The following CACNA2D3 variants were observed in gnomAD, a reference collection of about 807,000 sequenced individuals.
CACNA2D3 encodes voltage-dependent calcium channel subunit alpha-2/delta-3.
CACNA2D3 carries 60 observed loss-of-function variants against 160.6 expected under a neutral mutation model. The ratio of observed to expected loss-of-function variants is 0.37; its 90% CI spans 0.30 to 0.46. The LOEUF (loss-of-function observed/expected upper bound fraction) is 0.46, where lower values mean the gene tolerates loss of function less well. Ranked by LOEUF, CACNA2D3 falls within the 20% of genes least tolerant of loss-of-function variation. The pLI is 1.00. For missense variants in CACNA2D3, 1,205 were observed against 1,365.0 expected (o/e 0.88, Z 1.85); for synonymous variants, 558 against 492.9 (o/e 1.13, Z -1.75).
chr3:54,897,061 G>A, intron 26 of CACNA2D3, 191 bp downstream of exon 26: 1 of 557,236 alleles, frequency 1.8e-6, no homozygotes. Context: ...AGAAAAGGAA[G>A]GTTTTTCCTT....
chr3:54,374,425 G>A (rs1441535616), intron 3 of CACNA2D3, among the ~76,000 whole-genome samples: 2 of 152,220 alleles, frequency 1.3e-5, no homozygotes, highest in Non-Finnish European at 2.9e-5. Context: ...GTGGTGGTAG[G>A]CCTCCAGCCC....
chr3:54,657,890 A>C (rs1456278327), intron 11 of CACNA2D3, among the ~76,000 whole-genome samples: 1 of 152,104 alleles, frequency 6.6e-6, no homozygotes, highest in East Asian at 1.9e-4. Context: ...TTAGCCTGGC[A>C]TGGTGGCACA....
chr3:54,782,421 A>G (rs1702553876), intron 13 of CACNA2D3, among the ~76,000 whole-genome samples: 1 of 152,236 alleles, frequency 6.6e-6, no homozygotes, highest in East Asian at 1.9e-4. Flanking sequence ...CAAGTGCTCA[A>G]TAAGTGCTAA....
At chr3:54,813,621 A>C (rs1357101479) in intron 13 of CACNA2D3, among the ~76,000 whole-genome samples, 1 of 152,162 alleles carries the variant, frequency 6.6e-6, no homozygotes, top group Non-Finnish European at 1.5e-5. Flanking sequence ...GGCATATCCT[A>C]GTAATAAGGT....
intron 2 of CACNA2D3, among the ~76,000 whole-genome samples, chr3:54,191,453 T>A (rs1420649129): frequency 6.6e-6 from 1 of 150,940 alleles, no homozygotes; most frequent in Non-Finnish European, 1.5e-5. Flanking sequence ...TTTAGTGTTT[T>A]CAGTTTCATA....
At chr3:54,743,251 A>C (rs1201817003) in intron 11 of CACNA2D3, among the ~76,000 whole-genome samples, 1 of 152,210 alleles carries the variant, frequency 6.6e-6, no homozygotes, top group Non-Finnish European at 1.5e-5. Context: ...AACATAAGTA[A>C]ACTAATAAAC....
chr3:55,038,864 CTATATA>C (rs10576329), intron 35 of CACNA2D3, among the ~76,000 whole-genome samples: 11,108 of 98,384 alleles, frequency 0.11, 656 homozygotes, highest in East Asian at 0.2. Context: ...AGCCAGGATG[CTATATA>C]TATATATATA....
intron 5 of CACNA2D3, among the ~76,000 whole-genome samples, chr3:54,548,970 T>C (rs1378377111): frequency 6.6e-6 from 1 of 152,198 alleles, no homozygotes; most frequent in Non-Finnish European, 1.5e-5. Flanking sequence ...AAGCAGCACG[T>C]AATGCAAATT....
chr3:54,303,978 A>C (rs1164481055), intron 2 of CACNA2D3, among the ~76,000 whole-genome samples: 1 of 152,028 alleles, frequency 6.6e-6, no homozygotes, highest in Non-Finnish European at 1.5e-5. Flanking sequence ...TTGAGTCATC[A>C]GGGTTTGTGT....
At chr3:54,154,535 C>CG (rs906480828) in intron 2 of CACNA2D3, among the ~76,000 whole-genome samples, 6 of 152,002 alleles carry the variant, frequency 3.9e-5, no homozygotes, top group African/African-American at 1.2e-4. Context: ...CTTTTTCCCC[C>CG]CCGAATGATT....
At chr3:54,611,489 T>G (rs1358635249) in intron 9 of CACNA2D3, among the ~76,000 whole-genome samples, 2 of 152,260 alleles carry the variant, frequency 1.3e-5, no homozygotes, top group Non-Finnish European at 2.9e-5. Flanking sequence ...TTTAAGATCC[T>G]TGGTGTGCCA....
intron 11 of CACNA2D3, among the ~76,000 whole-genome samples, chr3:54,711,222 G>A (rs1700946416): frequency 6.6e-6 from 1 of 152,172 alleles, no homozygotes; most frequent in Non-Finnish European, 1.5e-5. Flanking sequence ...TGGGTACCAT[G>A]TACGTAAGAC....
intron 3 of CACNA2D3, chr3:54,385,966 G>A: frequency 2.0e-6 from 1 of 505,412 alleles, no homozygotes; most frequent in Non-Finnish European, 3.9e-6. Flanking sequence ...TTTTCAAGGT[G>A]GGAAATATCT....
At chr3:54,529,401 A>G (rs926741608) in intron 5 of CACNA2D3, among the ~76,000 whole-genome samples, 21 of 152,164 alleles carry the variant, frequency 1.4e-4, no homozygotes, top group African/African-American at 2.9e-4. Context: ...TCTCTGAGCT[A>G]TGGGGGCCAG....
intron 2 of CACNA2D3, among the ~76,000 whole-genome samples, chr3:54,216,558 TC>T (rs1402507939): frequency 6.6e-6 from 1 of 152,142 alleles, no homozygotes; most frequent in Non-Finnish European, 1.5e-5. Context: ...TAGAGTAATA[TC>T]AACATTTTAA....
intron 2 of CACNA2D3, among the ~76,000 whole-genome samples, chr3:54,129,589 G>C (rs1243196200): frequency 2.0e-5 from 3 of 152,218 alleles, no homozygotes; most frequent in Non-Finnish European, 4.4e-5. Flanking sequence ...ATGGATGGCT[G>C]TTCCTTCACT....
At chr3:54,717,735 T>C (rs952971365) in intron 11 of CACNA2D3, among the ~76,000 whole-genome samples, 1 of 135,192 alleles carries the variant, frequency 7.4e-6, no homozygotes, top group Non-Finnish European at 1.6e-5. Flanking sequence ...GGTGTGTGTG[T>C]GCATGTGTGG....
intron 2 of CACNA2D3, among the ~76,000 whole-genome samples, chr3:54,299,428 A>G (rs2107487949): frequency 6.6e-6 from 1 of 152,042 alleles, no homozygotes; most frequent in Non-Finnish European, 1.5e-5. Context: ...CAGCTGAAAC[A>G]TTTTCAAAGT....
At position 54,998,125 on chromosome 3, in the gene CACNA2D3, T is replaced by C. The variant is rs538955662; in HGVS notation, c.2691-6638T>C. Among the ~76,000 whole-genome samples, 64 of 143,800 alleles carry C rather than the reference T, an allele frequency of 4.5e-4. 3 individuals are homozygous for C. The South Asian group carries it at 0.014, about 32-fold the overall frequency. The allele number at this position is 143,800 out of a possible 152,430, so 94.3% of individuals were successfully genotyped here. ...CTGCTGACAGAAAGTAATCAATTAA[T>C]TCTTTTTTTTTTTTTTTTTTTGAGA... On this transcript the variant is annotated intron_variant, in intron 31 of 37. Transcript: ENST00000474759.
Sources: gnomAD v4.1 joint callset for allele counts (sites outside exome capture counted in the v4.1 genomes callset) on GRCh38, gnomAD v4.1.1 for gene constraint, MANE v1.5 for transcripts, NCBI Gene and HGNC (gene_info 2026-07-23, HGNC 2026-07-21) for gene names.